The following SNX6 variants were observed in gnomAD, a reference collection of about 807,000 sequenced individuals.
SNX6 encodes the protein sorting nexin 6, also known as sorting nexin-6.
SNX6 carries 34 observed loss-of-function variants against 63.0 expected under a neutral mutation model. That is an observed-to-expected ratio of 0.54 (90% CI 0.41 to 0.72). The LOEUF (loss-of-function observed/expected upper bound fraction) is 0.72, where lower values mean the gene tolerates loss of function less well. Among genes scored for constraint, SNX6 ranks in the 30% least tolerant of loss-of-function variants. The pLI is 0.00. For missense variants in SNX6, 398 were observed against 471.4 expected, an observed-to-expected ratio of 0.84 and a Z score of 1.44; for synonymous variants, 170 against 164.2, an observed-to-expected ratio of 1.04 and a Z score of -0.27.
At position 34,562,929 on chromosome 14, in the gene SNX6, C is replaced by T. The variant is rs568740336; in HGVS notation, c.*193G>A. On this transcript the variant is annotated 3_prime_UTR_variant, in exon 14 of 14. Coordinates refer to ENST00000362031, the MANE Select transcript of SNX6 (RefSeq NM_152233.4). The stretch of plus-strand genomic sequence containing the variant: ...GACCACTGTCATGGGGAACACAGTG[C>T]GGCATCACGGCACACAGACTGGCAT... 1.6e-5 allele frequency: 10 copies of T among 607,950 alleles called. No individual in the cohort carries two copies. The highest frequency in any genetic ancestry group is 4.4e-4 in the Middle Eastern group (1 of 2,248). The allele number at this position is 607,950 out of a possible 1,614,324, so 37.7% of individuals were successfully genotyped here.
At chr14:34,599,337 G>A (rs1882714387) in intron 6 of SNX6, among the ~76,000 whole-genome samples, 1 of 152,176 alleles carries the variant, frequency 6.6e-6, no homozygotes, top group Non-Finnish European at 1.5e-5. Flanking sequence ...TGGGCACGGT[G>A]GCTCACGCCT....
chr14:34,570,373 C>CTTT (rs147036265), intron 11 of SNX6, among the ~76,000 whole-genome samples: 1 of 143,350 alleles, frequency 7.0e-6, no homozygotes, highest in African/African-American at 2.6e-5. Flanking sequence ...GTCTTACCAG[C>CTTT]TTTTTTTTTT....
chr14:34,623,802 A>G (rs1566495485), intron 2 of SNX6, among the ~76,000 whole-genome samples: 1 of 152,250 alleles, frequency 6.6e-6, no homozygotes, highest in Non-Finnish European at 1.5e-5. Context: ...GAGAACAAGT[A>G]GTTACTCCAC....
intron 6 of SNX6, among the ~76,000 whole-genome samples, chr14:34,600,658 G>C (rs907475376): frequency 6.6e-6 from 1 of 152,030 alleles, no homozygotes; most frequent in African/African-American, 2.4e-5. Flanking sequence ...AATTAATCTT[G>C]TCATCCAAAC....
At chr14:34,585,330 G>A (rs953829280) in intron 9 of SNX6, among the ~76,000 whole-genome samples, 1 of 152,018 alleles carries the variant, frequency 6.6e-6, no homozygotes, top group Non-Finnish European at 1.5e-5. Flanking sequence ...GACCAGCCTG[G>A]CCAATATGGT....
intron 9 of SNX6, 60 bp from the exon 10 acceptor site, chr14:34,581,660 T>C: frequency 9.8e-7 from 1 of 1,016,862 alleles, no homozygotes; most frequent in Non-Finnish European, 1.5e-6. Context: ...ATTTCAAATG[T>C]ATGAGAATAT....
chr14:34,609,404 C>G (rs1883137380), intron 3 of SNX6, among the ~76,000 whole-genome samples: 1 of 145,042 alleles, frequency 6.9e-6, no homozygotes, highest in Admixed American at 7.6e-5. Context: ...TGGCGTGAAC[C>G]CAGGAGGAGG....
rs972394163 is a variant in SNX6 at position 34,604,360 on chromosome 14, T to A, written c.393-889A>T. 1.3e-5 allele frequency: 14 copies of A among 1,071,772 alleles called. No individual in the cohort carries two copies. The African/African-American group carries it at 2.0e-4, about 15-fold the overall frequency. 66.4% of individuals were successfully genotyped at this position (1,071,772 alleles called of 1,614,324 possible). On this transcript the variant is annotated intron_variant, in intron 5 of 13. Coordinates refer to ENST00000362031, the MANE Select transcript of SNX6 (RefSeq NM_152233.4). ...TGCTCTGCTCATTTCCAATTTTCAG[T>A]CTTATAAACTTTGAATATATATCTG...
chr14:34,587,687 G>A (rs1057458312), intron 8 of SNX6, among the ~76,000 whole-genome samples: 4 of 151,808 alleles, frequency 2.6e-5, no homozygotes, highest in Non-Finnish European at 5.9e-5. Context: ...GCATGAGCAC[G>A]GTGGCATGAT....
chr14:34,622,265 G>A (rs1263362988), intron 2 of SNX6, among the ~76,000 whole-genome samples: 5 of 150,276 alleles, frequency 3.3e-5, no homozygotes, highest in Admixed American at 1.3e-4. Flanking sequence ...CCCGGCCTGG[G>A]CATGTCTTTC....
Position 34,597,593 on chromosome 14 carries a change from T to C in SNX6, c.569A>G (p.Asn190Ser), listed in dbSNP as rs1412176056. ...TACTCCATCTGCTGATTTAACCATG[T>C]TTTTAAAGAAGTCTTCAAGTTTCTC... Reference protein sequence around the residue: ...KKEKLEDFFKNMVKSADGVIV... With the variant: ...KKEKLEDFFKSMVKSADGVIV... Residue 190 changes from asparagine to serine, a missense_variant, in exon 7 of 14, where the codon AAC becomes AGC. Transcript: ENST00000362031. 1.2e-6 allele frequency: 2 copies of C among 1,608,776 alleles called. No homozygotes were observed. Among genetic ancestry groups the C allele is most frequent in the South Asian group, 2.2e-5 (2 of 90,308 alleles).
intron 2 of SNX6, among the ~76,000 whole-genome samples, chr14:34,612,759 G>A (rs1883279707): frequency 1.3e-5 from 2 of 151,766 alleles, no homozygotes; most frequent in Non-Finnish European, 2.9e-5. Flanking sequence ...TATATAAAAG[G>A]CAGAGGCCAG....
chr14:34,626,668 CAA>C lies in SNX6; in HGVS notation c.54+3237_54+3238del, dbSNP rs56118978. ...TGGGCAACAGAGCGAGACTCCATTTCAAAAAAAAAAAAAGAGAAAGTTTCTGG... is the reference window on the plus strand; with the variant it reads ...TGGGCAACAGAGCGAGACTCCATTTCAAAAAAAAAAAGAGAAAGTTTCTGG... On this transcript the variant is annotated intron_variant, in intron 2 of 13. Coordinates refer to ENST00000362031, the MANE Select transcript of SNX6 (RefSeq NM_152233.4). 9.5e-5 allele frequency among the ~76,000 whole-genome samples: 12 copies of C among 126,534 alleles called. 1 individual carries two copies. The highest frequency in any genetic ancestry group is 9.6e-5 in the Non-Finnish European group (6 of 62,496). The allele number at this position is 126,534 out of a possible 152,430, so 83.0% of individuals were successfully genotyped here.
chr14:34,565,325 C>T (rs1881127972), intron 13 of SNX6, among the ~76,000 whole-genome samples: 1 of 151,980 alleles, frequency 6.6e-6, no homozygotes, highest in African/African-American at 2.4e-5. Flanking sequence ...GATCTGCCCG[C>T]CTTGGCCTCC....
At chr14:34,577,760 G>A (rs950528654) in intron 10 of SNX6, among the ~76,000 whole-genome samples, 3 of 151,970 alleles carry the variant, frequency 2.0e-5, no homozygotes, top group African/African-American at 4.8e-5. Context: ...TGTACATACT[G>A]GATATTTGAT....
chr14:34,615,105 T>C (rs1189138868), intron 2 of SNX6, among the ~76,000 whole-genome samples: 1 of 152,050 alleles, frequency 6.6e-6, no homozygotes, highest in Admixed American at 6.6e-5. Flanking sequence ...CTAAATATAC[T>C]GTTTCCCTTT....
rs1881212407 is a variant in SNX6, at chr14:34,567,017, G to A, written c.1167+669C>T. 1.3e-5 allele frequency among the ~76,000 whole-genome samples: 2 copies of A among 152,080 alleles called. 1 individual carries two copies. Among genetic ancestry groups the A allele is most frequent in the South Asian group, 4.2e-4 (2 of 4,818 alleles). On this transcript the variant is annotated intron_variant, in intron 13 of 13. Coordinates refer to ENST00000362031, the MANE Select transcript of SNX6 (RefSeq NM_152233.4). ...GCAGGTGTATCACCTCATGTCAGGA[G>A]TTCGAGACCAGTCTGGCTAACATGG...
At chr14:34,607,087 G>A (rs1167227550) in intron 4 of SNX6, among the ~76,000 whole-genome samples, 4 of 151,932 alleles carry the variant, frequency 2.6e-5, no homozygotes, top group Admixed American at 1.3e-4. Context: ...CCCAACCATG[G>A]TTTTAAAACC....
Position 34,605,579 on chromosome 14 carries a change from AT to A in SNX6, c.392+16del. 1 of 1,532,118 alleles carries A rather than the reference AT, an allele frequency of 6.5e-7. No homozygotes were observed. The allele number at this position is 1,532,118 out of a possible 1,614,324, so 94.9% of individuals were successfully genotyped here. ...ACAACCAAAAAAAAAAAACAAAAAA[AT>A]AAAAAAATCACTTACGCTTCCAGTT... On this transcript the variant is annotated intron_variant, in intron 5 of 13. Coordinates refer to ENST00000362031, the MANE Select transcript of SNX6 (RefSeq NM_152233.4).
Sources: gnomAD v4.1 joint callset for allele counts (sites outside exome capture counted in the v4.1 genomes callset) on GRCh38, gnomAD v4.1.1 for gene constraint, MANE v1.5 for transcripts, NCBI Gene and HGNC (gene_info 2026-07-23, HGNC 2026-07-21) for gene names.